Variants in HECW2 observed in about 807,000 individuals in gnomAD.
HECW2 encodes the protein E3 ubiquitin-protein ligase HECW2.
HECW2 carries 61 observed loss-of-function variants against 175.2 expected under a neutral mutation model. That is an observed-to-expected ratio of 0.35 (90% CI 0.28 to 0.43). HECW2 has a LOEUF of 0.43. HECW2 is among the 20% of genes least tolerant of loss of function. HECW2 has a pLI of 1.00. For missense variants in HECW2, 1,524 were observed against 2,000.5 expected (o/e 0.76, Z 4.54); for synonymous variants, 671 against 731.0 (o/e 0.92, Z 1.32).
intron 17 of HECW2, among the ~76,000 whole-genome samples, chr2:196,266,696 T>C (rs756301857): frequency 2.6e-5 from 4 of 152,212 alleles, no homozygotes; most frequent in Admixed American, 6.5e-5. Flanking sequence ...AGAAATAGGT[T>C]AGCAATTTTG....
intron 1 of HECW2, among the ~76,000 whole-genome samples, chr2:196,550,924 C>T (rs571847507): frequency 6.6e-6 from 1 of 152,250 alleles, no homozygotes; most frequent in Admixed American, 6.5e-5. Flanking sequence ...ACTTTAGTTA[C>T]AACCAAGAAA....
At chr2:196,529,850 T>G (rs13385275) in intron 1 of HECW2, among the ~76,000 whole-genome samples, 5,394 of 152,306 alleles carry the variant, frequency 0.035, 314 homozygotes, top group African/African-American at 0.12. Context: ...TCTTATTGGA[T>G]TTCTTTGTCA....
Position 196,329,612 on chromosome 2 carries a change from G to A in HECW2, c.534C>T (p.Asn178=), listed in dbSNP as rs771739678. The A allele has an allele frequency of 1.3e-4, 204 of 1,613,518 alleles. No homozygotes were observed. The highest frequency in any genetic ancestry group is 1.6e-4 in the Non-Finnish European group (189 of 1,179,662). The change falls in exon 5 of 29, where the codon AAC becomes AAT. Residue 178 remains asparagine (N), a synonymous_variant. Transcript: ENST00000644978. ...AGCTAACAAGTTTTCGAGAATGCAG[G>A]TTTCCTGAAGCACCTCCCTCCATGC... ...AEGMEGGASG[N]LHSRKLVSFT...
chr2:196,411,930 A>C (rs1393061854), intron 2 of HECW2, among the ~76,000 whole-genome samples: 1 of 152,234 alleles, frequency 6.6e-6, no homozygotes, highest in Non-Finnish European at 1.5e-5. Context: ...GAATCAGTTG[A>C]GCCCAGGAGG....
intron 1 of HECW2, among the ~76,000 whole-genome samples, chr2:196,580,281 AG>A (rs1690723479): frequency 6.6e-6 from 1 of 152,158 alleles, no homozygotes; most frequent in African/African-American, 2.4e-5. Flanking sequence ...AAGATCAACA[AG>A]GACAGTTATA....
At chr2:196,398,584 T>C (rs1381966358) in intron 2 of HECW2, among the ~76,000 whole-genome samples, 1 of 152,192 alleles carries the variant, frequency 6.6e-6, no homozygotes, top group Non-Finnish European at 1.5e-5. Flanking sequence ...AAGTTATCTA[T>C]GCACCTCGAA....
intron 1 of HECW2, among the ~76,000 whole-genome samples, chr2:196,516,081 G>T (rs968161992): frequency 7.9e-5 from 12 of 152,148 alleles, no homozygotes; most frequent in Non-Finnish European, 1.8e-4. Context: ...AGTTTGCAGT[G>T]AGCTGAGATC....
At chr2:196,496,649 G>T (rs953987483) in intron 1 of HECW2, among the ~76,000 whole-genome samples, 1 of 151,964 alleles carries the variant, frequency 6.6e-6, no homozygotes, top group Admixed American at 6.6e-5. Context: ...ATATACAAGC[G>T]CTTTTCTTCC....
intron 15 of HECW2, among the ~76,000 whole-genome samples, chr2:196,277,104 T>C (rs1050617963): frequency 1.3e-5 from 2 of 152,176 alleles, no homozygotes; most frequent in Admixed American, 6.5e-5. Context: ...CATAAGCCCA[T>C]ATGAAGGAGA....
At chr2:196,403,457 G>A (rs1464128746) in intron 2 of HECW2, among the ~76,000 whole-genome samples, 2 of 152,170 alleles carry the variant, frequency 1.3e-5, no homozygotes, top group African/African-American at 4.8e-5. Context: ...GAGAGATACA[G>A]TAAACACAAA....
Position 196,448,918 on chromosome 2 carries a change from AT to A in HECW2, c.-35-15461del, listed in dbSNP as rs544178303. Among the ~76,000 whole-genome samples the A allele has an allele frequency of 9.5e-4, 145 of 152,214 alleles. 1 individual carries two copies. Among genetic ancestry groups the A allele is most frequent in the African/African-American group, 3.3e-3 (139 of 41,536 alleles). On this transcript the variant is annotated intron_variant, in intron 1 of 28. Transcript: ENST00000644978. ...TTTTGCCCTTCCTCTCTCACTATCC[AT>A]TTTTTGGGGGAAAAAATAATAAGTA...
At chr2:196,283,090 C>A (rs1015353576) in intron 14 of HECW2, among the ~76,000 whole-genome samples, 8 of 151,520 alleles carry the variant, frequency 5.3e-5, no homozygotes, top group African/African-American at 1.7e-4. Context: ...GAAACCTCGT[C>A]TCTACTAAAA....
rs185788515 is a variant in HECW2, at chr2:196,528,776, C to T, written c.-36+64732G>A. On this transcript the variant is annotated intron_variant, in intron 1 of 28. Transcript: ENST00000644978. ...AATGAGGAGAAAGAATTCCACATCC[C>T]TCTAACTTTTCATTCTGCAGAACTC... is the stretch of plus-strand genomic sequence containing the variant. Among the ~76,000 whole-genome samples the T allele has an allele frequency of 3.7e-3, 564 of 152,324 alleles. 1 individual carries two copies. The highest frequency in any genetic ancestry group is 6.8e-3 in the Middle Eastern group (2 of 294).
intron 2 of HECW2, among the ~76,000 whole-genome samples, chr2:196,432,270 T>A (rs1233408105): frequency 1.3e-5 from 2 of 152,140 alleles, no homozygotes; most frequent in South Asian, 2.1e-4. Context: ...GATGGGGGGA[T>A]GCTTGGCTTA....
intron 1 of HECW2, among the ~76,000 whole-genome samples, chr2:196,544,267 G>A (rs1175350211): frequency 2.0e-5 from 3 of 152,152 alleles, no homozygotes; most frequent in Non-Finnish European, 4.4e-5. Context: ...CCTCTAGCAG[G>A]ACCAAGTGCC....
At chr2:196,513,504 T>C (rs1688032792) in intron 1 of HECW2, among the ~76,000 whole-genome samples, 1 of 152,178 alleles carries the variant, frequency 6.6e-6, no homozygotes, top group East Asian at 1.9e-4. Context: ...AGTGAGACCC[T>C]GTCTCAAAAA....
chr2:196,301,409 G>T (rs941804938), intron 13 of HECW2, among the ~76,000 whole-genome samples: 1 of 151,892 alleles, frequency 6.6e-6, no homozygotes, highest in Non-Finnish European at 1.5e-5. Context: ...GGGATTGCTG[G>T]GTCAAGTGGT....
chr2:196,229,232 TC>T (rs2105842888), intron 21 of HECW2, among the ~76,000 whole-genome samples: 1 of 152,252 alleles, frequency 6.6e-6, no homozygotes, highest in African/African-American at 2.4e-5. Context: ...ACTTTTCTTC[TC>T]CTTCTTCCTC....
In HECW2 at chr2:196,500,527, T is replaced by C. The variant is rs372768787; in HGVS notation, c.-35-67069A>G. On this transcript the variant is annotated intron_variant, in intron 1 of 28. Coordinates refer to ENST00000644978, the MANE Select transcript of HECW2 (RefSeq NM_001348768.2). ...CACTAAAAGCATGAATGGAAAACTTTTGAGTTTCAAAGAACAATAAAATTC... is the reference window on the plus strand; with the variant it reads ...CACTAAAAGCATGAATGGAAAACTTCTGAGTTTCAAAGAACAATAAAATTC... Among the ~76,000 whole-genome samples, 16 of 151,352 alleles carry C rather than the reference T, an allele frequency of 1.1e-4. No individual in the cohort carries two copies. The East Asian group carries it at 3.3e-3, about 31-fold the overall frequency.
Sources: allele counts gnomAD v4.1 joint callset (sites outside exome capture counted in the v4.1 genomes callset), GRCh38; gene constraint gnomAD v4.1.1; transcripts MANE v1.5; gene names NCBI Gene and HGNC (gene_info 2026-07-23, HGNC 2026-07-21).